Variants in CFAP46 observed in about 807,000 individuals in gnomAD.
The protein encoded by CFAP46 is cilia- and flagella-associated protein 46.
CFAP46 carries 245 observed loss-of-function variants against 325.7 expected under a neutral mutation model. The observed-to-expected ratio is 0.75, with a 90% CI of 0.68 to 0.84. CFAP46 has a LOEUF of 0.84. Ranked by LOEUF, CFAP46 falls within the 40% of genes least tolerant of loss-of-function variation. CFAP46 has a pLI of 0.00. For missense variants in CFAP46, 3,346 were observed against 3,543.0 expected (o/e 0.94, Z 1.41); for synonymous variants, 1,523 against 1,495.9 (o/e 1.02, Z -0.42).
At chr10:132,887,692 TCTC>T (rs1446461541) in intron 25 of CFAP46, among the ~76,000 whole-genome samples, 2 of 112,512 alleles carry the variant, frequency 1.8e-5, no homozygotes, top group East Asian at 3.2e-4. Flanking sequence ...CTCCTCTCTC[TCTC>T]CTCTCCTCTC....
rs1591041112 is a variant in CFAP46, at chr10:132,832,381, T to C, written c.7117+977A>G. ...CCTCAACTTGCGGAGACCCCTGGGC[T>C]CTTCCTGCCCCCCCCCCCCAATGCT... On this transcript the variant is annotated intron_variant, in intron 50 of 57. Transcript: ENST00000368586. This position sits in a 1 kb window ranked among gnomAD's most constrained non-coding sequence, Gnocchi z 4.1. Among the ~76,000 whole-genome samples the C allele has an allele frequency of 7.9e-5, 11 of 139,670 alleles. No individual in the cohort carries two copies. The South Asian group carries it at 2.2e-3, about 28-fold the overall frequency. The allele number at this position is 139,670 out of a possible 152,430, so 91.6% of individuals were successfully genotyped here. A position where few individuals can be genotyped will look rare whatever the true frequency, so the allele number is the denominator to read the frequency against.
At chr10:132,887,103 C>T (rs1470357447) in intron 25 of CFAP46, among the ~76,000 whole-genome samples, 1 of 144,304 alleles carries the variant, frequency 6.9e-6, no homozygotes, top group Non-Finnish European at 1.5e-5. Context: ...CCTCTCCTCT[C>T]TCCTCTTTCA....
At position 132,913,238 on chromosome 10, in the gene CFAP46, G is replaced by A; in HGVS notation, c.2141C>T (p.Ser714Phe). The A allele has an allele frequency of 3.2e-6, 5 of 1,550,370 alleles. No homozygotes were observed. Among genetic ancestry groups the A allele is most frequent in the Non-Finnish European group, 2.6e-6 (3 of 1,146,920 alleles). Residue 714 changes from serine (S) to phenylalanine (F), a missense_variant, in exon 18 of 58, where the codon TCC (serine) becomes TTC (phenylalanine). Coordinates refer to ENST00000368586, the MANE Select transcript of CFAP46 (RefSeq NM_001200049.3). ...CAGCCAGTTATTCATGGCACACCGG[G>A]ACAGACTCTCGATCCAGGTTCTGCA... ...ITYRTWIESL[S>F]RCAMNNWLRS...
Position 132,860,473 on chromosome 10 carries a change from T to C in CFAP46, c.5142A>G (p.Lys1714=). ...KLINAFKILK[K]ERPNRLPLLE... ...GTAAAGGCAATCGGTTTGGTCTTTC[T>C]TTCTTGAGGATCTTGAAGGCATTGA... The change falls in exon 37 of 58, where the codon AAA becomes AAG. Residue 1714 remains lysine (K), a synonymous_variant. Transcript: ENST00000368586. 6.4e-7 allele frequency: 1 copy of C among 1,551,300 alleles called. No homozygotes were observed. Among genetic ancestry groups the C allele is most frequent in the Non-Finnish European group, 8.7e-7 (1 of 1,147,142 alleles).
At chr10:132,927,483 C>T (rs867444162) in intron 9 of CFAP46, among the ~76,000 whole-genome samples, 42 of 152,226 alleles carry the variant, frequency 2.8e-4, no homozygotes, top group African/African-American at 7.0e-4. Flanking sequence ...ATGGCTGCAC[C>T]GCAGTCCTGC....
In CFAP46 at chr10:132,918,455, G is replaced by A; in HGVS notation, c.1924C>T (p.Gln642Ter). 10 of 1,549,120 alleles carry A rather than the reference G, an allele frequency of 6.5e-6. No individual in the cohort carries two copies. The highest frequency in any genetic ancestry group is 1.2e-5 in the South Asian group (1 of 83,984). The change falls in exon 16 of 58, where the codon CAG becomes TAG. Residue 642 changes from glutamine to a stop codon, truncating the protein, a stop_gained. Coordinates refer to ENST00000368586, the MANE Select transcript of CFAP46 (RefSeq NM_001200049.3). LOFTEE classifies it high-confidence loss of function. ...DTWSQPEVVL[Q>*]RQVCPDLLRK... ...AGCAGGTCGGGGCACACCTGCCTCT[G>A]CAGGACGACCTCAGGCTGGCTCCAG...
At chr10:132,890,881 G>T (rs545653564) in intron 25 of CFAP46, among the ~76,000 whole-genome samples, 1 of 152,266 alleles carries the variant, frequency 6.6e-6, no homozygotes, top group South Asian at 2.1e-4. Flanking sequence ...TCTCTAAATA[G>T]ACTCTAATGC....
At chr10:132,849,983 C>G (rs939275265) in intron 41 of CFAP46, among the ~76,000 whole-genome samples, 1 of 151,286 alleles carries the variant, frequency 6.6e-6, no homozygotes, top group Non-Finnish European at 1.5e-5. Context: ...GGCGGGCTGG[C>G]TCTGTGCTGC....
At position 132,808,427 on chromosome 10, in the gene CFAP46, C is replaced by G. The variant is rs780188122; in HGVS notation, c.8142G>C (p.Leu2714Phe). ...QKTIQTVSLF[L>F]I ...TGTTTGTTTAGTGGAACACTCAAAT[C>G]AAAAACAGGCTCACGGTCTGAATAG... The change falls in exon 58 of 58, where the codon TTG becomes TTC. Residue 2714 changes from leucine to phenylalanine, a missense_variant. By Grantham distance (22) the Leu-to-Phe change is conservative (BLOSUM62 0). Transcript: ENST00000368586. This position sits in a 1 kb window ranked among gnomAD's most constrained non-coding sequence, Gnocchi z 6.8. The G allele has an allele frequency of 1.9e-6, 3 of 1,600,130 alleles. No homozygotes were observed. The South Asian group carries it at 3.3e-5, about 18-fold the overall frequency.
chr10:132,878,707 AT>A (rs1421431907), intron 29 of CFAP46, among the ~76,000 whole-genome samples: 1 of 152,112 alleles, frequency 6.6e-6, no homozygotes, highest in Non-Finnish European at 1.5e-5. Flanking sequence ...AGCGTGGAGC[AT>A]TCTGAAGACG....
At chr10:132,859,324 T>G in intron 37 of CFAP46, 77 bp from the exon 38 acceptor site, 1 of 1,304,840 alleles carries the variant, frequency 7.7e-7, no homozygotes, top group Non-Finnish European at 1.0e-6. Context: ...GCTGCCGCTG[T>G]TCTCCCCGGT....
intron 50 of CFAP46, among the ~76,000 whole-genome samples, chr10:132,820,565 T>C (rs1206799249): frequency 1.4e-5 from 2 of 146,914 alleles, no homozygotes; most frequent in Non-Finnish European, 3.0e-5. Context: ...TGCTGATGTG[T>C]GCTGTGTGTG....
rs752916493 is a variant in CFAP46 at position 132,836,206 on chromosome 10, G to T, written c.6549C>A (p.Tyr2183Ter). ...ACTTGGGTTTCTCGTAGGCAGCGCC[G>T]TACAGACGGGACCTGCTGGCAGGAC... ...LHLSGDRSRL[Y>*]GAAYEKPKFI... is the part of the protein sequence containing the mutation. Residue 2183 changes from tyrosine to a stop codon, truncating the protein, a stop_gained, in exon 46 of 58, where the codon TAC (tyrosine) becomes TAA (stop). Coordinates refer to ENST00000368586, the MANE Select transcript of CFAP46 (RefSeq NM_001200049.3). LOFTEE classifies it high-confidence loss of function. 3 of 1,611,094 alleles carry T rather than the reference G, an allele frequency of 1.9e-6. No individual in the cohort carries two copies. Among genetic ancestry groups the T allele is most frequent in the Non-Finnish European group, 2.5e-6 (3 of 1,179,632 alleles).
At chr10:132,929,972 C>A (rs1207398890) in intron 8 of CFAP46, among the ~76,000 whole-genome samples, 168 bp from the exon 9 acceptor site, 1 of 152,038 alleles carries the variant, frequency 6.6e-6, no homozygotes, top group Non-Finnish European at 1.5e-5. Flanking sequence ...GAGGCCCCAG[C>A]AGGGCTTCAA....
In CFAP46 at chr10:132,939,610, C is replaced by T. The variant is rs866963716; in HGVS notation, c.372-857G>A. Reference sequence around the variant, plus strand: ...ACTCCTCTGAGTTTACTCAGAGCCACCACGTGACCCTAGGACAGGACTCAT... The same window carrying T: ...ACTCCTCTGAGTTTACTCAGAGCCATCACGTGACCCTAGGACAGGACTCAT... On this transcript the variant is annotated intron_variant, in intron 4 of 57. Coordinates refer to ENST00000368586, the MANE Select transcript of CFAP46 (RefSeq NM_001200049.3). This position sits in a 1 kb window ranked among gnomAD's most constrained non-coding sequence, Gnocchi z 4.6. Among the ~76,000 whole-genome samples the T allele has an allele frequency of 1.3e-5, 2 of 152,186 alleles. No homozygotes were observed. The highest frequency in any genetic ancestry group is 1.5e-5 in the Non-Finnish European group (1 of 68,024).
Position 132,876,886 on chromosome 10 carries a change from G to T in CFAP46, c.4288C>A (p.Pro1430Thr). ...SIEEWASYSC[P>T]EEVLSVLKQD... is the part of the protein sequence containing the mutation. ...TTCAGTACAGACAGCACTTCCTCGG[G>T]GCAGGAGTAGGAAGCCCACTCTTCT... Residue 1430 changes from proline (P) to threonine (T), a missense_variant, in exon 31 of 58, where the codon CCC becomes ACC. Coordinates refer to ENST00000368586, the MANE Select transcript of CFAP46 (RefSeq NM_001200049.3). This position sits in a 1 kb window ranked among gnomAD's most constrained non-coding sequence, Gnocchi z 4.1. The T allele has an allele frequency of 6.4e-7, 1 of 1,550,536 alleles. No homozygotes were observed. The highest frequency in any genetic ancestry group is 1.2e-5 in the South Asian group (1 of 84,060).
In CFAP46 at chr10:132,857,752, T is replaced by C; in HGVS notation, c.5412A>G (p.Lys1804=). ...RAQNEKDEEQ[K]TAYYLEAYGL... ...CATACGCTTCCAAGTAATACGCAGT[T>C]TTTTGTTCTTCATCTTTCTCGTTCT... is the stretch of plus-strand genomic sequence containing the variant. The change falls in exon 39 of 58, where the codon AAA becomes AAG. Residue 1804 remains lysine, a synonymous_variant. Transcript: ENST00000368586. 1 of 1,583,988 alleles carries C rather than the reference T, an allele frequency of 6.3e-7. No homozygotes were observed. The highest frequency in any genetic ancestry group is 8.6e-7 in the Non-Finnish European group (1 of 1,166,418).
rs1850063417 is a variant in CFAP46, at chr10:132,939,377, C to T, written c.372-624G>A. ...ACCCCTCTCAGGGGTCTGGGCCTCT[C>T]CCTGGGCAGCAGGGAGCATTGCAGG... is the stretch of plus-strand genomic sequence containing the variant. On this transcript the variant is annotated intron_variant, in intron 4 of 57. Transcript: ENST00000368586. This position sits in a 1 kb window ranked among gnomAD's most constrained non-coding sequence, Gnocchi z 4.6. Among the ~76,000 whole-genome samples the T allele has an allele frequency of 6.6e-6, 1 of 152,294 alleles. No homozygotes were observed. Among genetic ancestry groups the T allele is most frequent in the Middle Eastern group, 3.4e-3 (1 of 294 alleles).
intron 19 of CFAP46, among the ~76,000 whole-genome samples, chr10:132,912,378 C>T (rs1849557829): frequency 7.2e-6 from 1 of 139,808 alleles, no homozygotes; most frequent in Admixed American, 7.2e-5. Flanking sequence ...CTTCTCTCTG[C>T]TTCTCTCGCC....
Sources: gnomAD v4.1 joint callset for allele counts (sites outside exome capture counted in the v4.1 genomes callset) on GRCh38, gnomAD v4.1.1 for gene constraint, Gnocchi (gnomAD v3.1) non-coding constraint, MANE v1.5 for transcripts, NCBI Gene and HGNC (gene_info 2026-07-23, HGNC 2026-07-21) for gene names.